CSMD2: variants seen among roughly 807,000 people sequenced by gnomAD.
CSMD2 encodes the protein CUB and sushi domain-containing protein 2.
A neutral mutation model predicts 398.5 loss-of-function variants in CSMD2; 130 were observed. The ratio of observed to expected loss-of-function variants is 0.33; its 90% CI spans 0.28 to 0.38. CSMD2 has a LOEUF of 0.38. CSMD2 is among the 10% of genes least tolerant of loss of function. The pLI is 1.00. For missense variants in CSMD2, 3,829 were observed against 4,764.9 expected (o/e 0.80, Z 5.78); for synonymous variants, 1,828 against 1,908.5 (o/e 0.96, Z 1.10).
At chr1:33,676,745 C>G (rs1447332974) in intron 25 of CSMD2, among the ~76,000 whole-genome samples, 21 of 152,334 alleles carry the variant, frequency 1.4e-4, no homozygotes, top group Non-Finnish European at 2.9e-4. Flanking sequence ...CAGCATGGTA[C>G]TGGTACCAAA....
chr1:33,815,136 A>G (rs1385725698), intron 9 of CSMD2, among the ~76,000 whole-genome samples: 2 of 152,212 alleles, frequency 1.3e-5, no homozygotes, highest in East Asian at 3.9e-4. Context: ...CAAGTCTATC[A>G]TTTCCCATGT....
chr1:34,027,198 C>A (rs1056379608), intron 3 of CSMD2, among the ~76,000 whole-genome samples: 4 of 152,118 alleles, frequency 2.6e-5, no homozygotes, highest in African/African-American at 7.2e-5. Context: ...AATTCTAACA[C>A]CCCCATGGAA....
intron 53 of CSMD2, among the ~76,000 whole-genome samples, chr1:33,563,009 GAACT>G (rs139980966): frequency 0.019 from 2,941 of 152,336 alleles, 150 homozygotes; most frequent in Admixed American, 0.12. Flanking sequence ...GGAGGACTCT[GAACT>G]AATACAGGCT....
chr1:34,126,404 A>C (rs1662743441), intron 1 of CSMD2, among the ~76,000 whole-genome samples: 2 of 152,186 alleles, frequency 1.3e-5, no homozygotes, highest in Non-Finnish European at 2.9e-5. Flanking sequence ...GGCAGAACCC[A>C]AGGATCCTTG....
At chr1:33,988,491 T>C (rs916048571) in intron 3 of CSMD2, among the ~76,000 whole-genome samples, 2 of 152,224 alleles carry the variant, frequency 1.3e-5, no homozygotes, top group Non-Finnish European at 2.9e-5. Context: ...TTGCCCTCTC[T>C]GTTTCATTCT....
chr1:33,684,951 C>T (rs649214), intron 25 of CSMD2, among the ~76,000 whole-genome samples: 92,534 of 152,124 alleles, frequency 0.61, 28,612 homozygotes, highest in East Asian at 0.73. Context: ...CCAAACCTCT[C>T]ATCTCTCTAC....
chr1:33,787,709 T>C (rs2124840668), intron 12 of CSMD2, among the ~76,000 whole-genome samples: 1 of 152,300 alleles, frequency 6.6e-6, no homozygotes. Context: ...TAACAGTAAC[T>C]TGTGGATGGC....
Position 33,620,169 on chromosome 1 carries a change from T to C in CSMD2, c.5827+1998A>G, listed in dbSNP as rs915019526. Among the ~76,000 whole-genome samples, 5 of 152,372 alleles carry C rather than the reference T, an allele frequency of 3.3e-5. No homozygotes were observed. The South Asian group carries it at 8.3e-4, about 25-fold the overall frequency. On this transcript the variant is annotated intron_variant, in intron 37 of 70. Transcript: ENST00000373381. ...AAAGGAAAAATTATTTTTTATCATATGTAATTTATTACTTTTGAAAGCATA... is the reference window on the plus strand; with the variant it reads ...AAAGGAAAAATTATTTTTTATCATACGTAATTTATTACTTTTGAAAGCATA...
At chr1:34,053,326 C>T (rs138152972) in intron 2 of CSMD2, among the ~76,000 whole-genome samples, 13 of 152,226 alleles carry the variant, frequency 8.5e-5, no homozygotes, top group African/African-American at 2.6e-4. Context: ...GACAGTTTGC[C>T]GTGTAGCCTG....
rs1213677889 is a variant in CSMD2, at chr1:33,567,847, G to A, written c.8132-6C>T. 4 of 1,565,024 alleles carry A rather than the reference G, an allele frequency of 2.6e-6. No individual in the cohort carries two copies. Among genetic ancestry groups the A allele is most frequent in the Non-Finnish European group, 3.5e-6 (4 of 1,154,496 alleles). On this transcript the variant is annotated splice_region_variant and splice_polypyrimidine_tract_variant and intron_variant, in intron 52 of 70. Transcript: ENST00000373381. ...GTGGAGCTTGGTCTGAGTGGCTAGA[G>A]ACAGGGATGGTGGGGAAAAGGACCA...
In CSMD2 at chr1:34,082,201, C is replaced by T. The variant is rs1460979587; in HGVS notation, c.404+6776G>A. On this transcript the variant is annotated intron_variant, in intron 2 of 70. Coordinates refer to ENST00000373381, the MANE Select transcript of CSMD2 (RefSeq NM_001281956.2). The stretch of plus-strand genomic sequence containing the variant: ...GAGGTGAGGAGCGTCTCTACCCGGC[C>T]GCCACCCCGTCTGGGAAGTGAGGAG... Among the ~76,000 whole-genome samples, 5 of 144,372 alleles carry T rather than the reference C, an allele frequency of 3.5e-5. 1 individual carries two copies. The highest frequency in any genetic ancestry group is 2.7e-4 in the Admixed American group (4 of 14,558). The allele number at this position is 144,372 out of a possible 152,430, so 94.7% of individuals were successfully genotyped here. A position where few individuals can be genotyped will look rare whatever the true frequency, so the allele number is the denominator to read the frequency against.
At position 33,557,940 on chromosome 1, in the gene CSMD2, T is replaced by C. The variant is rs921053823; in HGVS notation, c.8555-18A>G. ...GTTGATGACTGCAATTGAACAGAAGTCCAAACAGGCATGGATTCCCAGTAT... is the reference window on the plus strand; with the variant it reads ...GTTGATGACTGCAATTGAACAGAAGCCCAAACAGGCATGGATTCCCAGTAT... On this transcript the variant is annotated intron_variant, in intron 54 of 70. Coordinates refer to ENST00000373381, the MANE Select transcript of CSMD2 (RefSeq NM_001281956.2). 12 of 1,525,576 alleles carry C rather than the reference T, an allele frequency of 7.9e-6. No individual in the cohort carries two copies. The highest frequency in any genetic ancestry group is 1.1e-5 in the Non-Finnish European group (12 of 1,138,138). 94.5% of individuals were successfully genotyped at this position (1,525,576 alleles called of 1,614,324 possible). A position where few individuals can be genotyped will look rare whatever the true frequency, so the allele number is the denominator to read the frequency against.
At chr1:33,785,324 GC>G (rs1188200537) in intron 12 of CSMD2, among the ~76,000 whole-genome samples, 1 of 150,710 alleles carries the variant, frequency 6.6e-6, no homozygotes, top group Non-Finnish European at 1.5e-5. Context: ...CTGGGGCAAA[GC>G]TTTGGCTTCT....
In CSMD2 at chr1:34,160,453, G is replaced by A. The variant is rs550421918; in HGVS notation, c.187+4458C>T. Among the ~76,000 whole-genome samples the A allele has an allele frequency of 1.8e-3, 276 of 152,226 alleles. 2 individuals carry two copies. The highest frequency in any genetic ancestry group is 0.014 in the Middle Eastern group (4 of 294). On this transcript the variant is annotated intron_variant, in intron 1 of 70. Coordinates refer to ENST00000373381, the MANE Select transcript of CSMD2 (RefSeq NM_001281956.2). Reference sequence around the variant, plus strand: ...AGAACCTAGGGAACTGTAACCAAACGGTGATACTTAGTTGTGGGGAAAGGA... The same window carrying A: ...AGAACCTAGGGAACTGTAACCAAACAGTGATACTTAGTTGTGGGGAAAGGA...
intron 44 of CSMD2, chr1:33,592,019 T>G (rs1416897011): frequency 4.4e-6 from 1 of 226,808 alleles, no homozygotes; most frequent in African/African-American, 2.3e-5. Flanking sequence ...TTCCCAGAAG[T>G]AGGATTGCTG....
At chr1:33,793,473 G>A (rs535538986) in intron 10 of CSMD2, among the ~76,000 whole-genome samples, 1 of 152,296 alleles carries the variant, frequency 6.6e-6, no homozygotes, top group South Asian at 2.1e-4. Flanking sequence ...TGGCTCTCGG[G>A]GATAATGTGA....
At chr1:33,549,300 T>C (rs1469985726) in intron 56 of CSMD2, among the ~76,000 whole-genome samples, 1 of 152,158 alleles carries the variant, frequency 6.6e-6, no homozygotes, top group Non-Finnish European at 1.5e-5. Context: ...TTAATTTCAA[T>C]GCCAAGGTGG....
chr1:33,960,152 C>T (rs1466211706), intron 3 of CSMD2, among the ~76,000 whole-genome samples: 2 of 152,190 alleles, frequency 1.3e-5, no homozygotes, highest in Non-Finnish European at 2.9e-5. Context: ...TGCTGACTGT[C>T]GTCTTCCAAC....
At chr1:33,842,378 C>T (rs1212510899) in intron 6 of CSMD2, among the ~76,000 whole-genome samples, 1 of 152,188 alleles carries the variant, frequency 6.6e-6, no homozygotes, top group East Asian at 1.9e-4. Flanking sequence ...AAAATGTGAT[C>T]ACGTCTCCCC....
Sources: gnomAD v4.1 joint callset for allele counts (sites outside exome capture counted in the v4.1 genomes callset) on GRCh38, gnomAD v4.1.1 for gene constraint, MANE v1.5 for transcripts, NCBI Gene and HGNC (gene_info 2026-07-23, HGNC 2026-07-21) for gene names.